Variants in DPP10 observed in about 807,000 individuals in gnomAD.
The protein encoded by DPP10 is dipeptidyl peptidase like 10.
Under a neutral mutation model 120.9 loss-of-function variants are expected in DPP10, and 33 were observed. That is an observed-to-expected ratio of 0.27 (90% CI 0.21 to 0.37). The LOEUF (loss-of-function observed/expected upper bound fraction) is 0.37. Ranked by LOEUF, DPP10 falls within the 10% of genes least tolerant of loss-of-function variation. The pLI is 1.00. For synonymous variants in DPP10, 337 were observed against 326.1 expected, an observed-to-expected ratio of 1.03 and a Z score of -0.36; for missense variants, 816 against 942.8, an observed-to-expected ratio of 0.87 and a Z score of 1.76.
chr2:114,909,893 C>G (rs771762350), intron 1 of DPP10, among the ~76,000 whole-genome samples: 3 of 151,668 alleles, frequency 2.0e-5, no homozygotes, highest in Non-Finnish European at 4.4e-5. Flanking sequence ...AAAAATAAGC[C>G]GCTATAAGCA....
Position 115,455,222 on chromosome 2 carries a change from G to A in DPP10, c.272-44288G>A, listed in dbSNP as rs1279239863. The stretch of plus-strand genomic sequence containing the variant: ...TGTAAGTCTCCATACTGTGAAGATG[G>A]CAATTCTCCCAAAATTGATCTATAC... On this transcript the variant is annotated intron_variant, in intron 3 of 25. Transcript: ENST00000410059. 2.0e-5 allele frequency among the ~76,000 whole-genome samples: 3 copies of A among 151,926 alleles called. No individual in the cohort carries two copies. The East Asian group carries it at 5.8e-4, about 29-fold the overall frequency.
chr2:114,562,277 C>A (rs185309006), intron 1 of DPP10, among the ~76,000 whole-genome samples: 1 of 152,318 alleles, frequency 6.6e-6, no homozygotes, highest in African/African-American at 2.4e-5. Context: ...AGAACACTTA[C>A]CATCATTTGA....
intron 1 of DPP10, among the ~76,000 whole-genome samples, chr2:114,926,975 C>A (rs1176250107): frequency 6.6e-6 from 1 of 151,574 alleles, no homozygotes; most frequent in Non-Finnish European, 1.5e-5. Context: ...CTCAGCCTCC[C>A]GAGTAGCTGG....
rs1202206384 is a variant in DPP10 at position 114,993,150 on chromosome 2, TAACAAG to T, written c.61-316083_61-316078del. Among the ~76,000 whole-genome samples the T allele has an allele frequency of 2.6e-5, 4 of 152,160 alleles. 1 individual carries two copies. The highest frequency in any genetic ancestry group is 9.7e-5 in the African/African-American group (4 of 41,428). ...TCACTCTTTGAAATCTCAGAGTCAA[TAACAAG>T]AACAACTACAAAAATGATCACTCAC... On this transcript the variant is annotated intron_variant, in intron 1 of 25. Transcript: ENST00000410059.
intron 1 of DPP10, among the ~76,000 whole-genome samples, chr2:115,006,339 A>G: frequency 6.6e-6 from 1 of 152,068 alleles, no homozygotes; most frequent in African/African-American, 2.4e-5. Flanking sequence ...CTAGCATCAT[A>G]ACAACAGGAT....
chr2:115,245,133 T>A (rs1389793573), intron 1 of DPP10, among the ~76,000 whole-genome samples: 1 of 152,124 alleles, frequency 6.6e-6, no homozygotes, highest in Non-Finnish European at 1.5e-5. Context: ...CTTAAAATAA[T>A]GATCTCCAAC....
rs572754567 is a variant in DPP10, at chr2:114,581,384, C to T, written c.60+138546C>T. On this transcript the variant is annotated intron_variant, in intron 1 of 25. Transcript: ENST00000410059. The stretch of plus-strand genomic sequence containing the variant: ...ATTTTTAGTAGAGATGGAGTGTCAC[C>T]GTGTTAGCCAGGATGGTCTCGACCT... Among the ~76,000 whole-genome samples, 245 of 151,968 alleles carry T rather than the reference C, an allele frequency of 1.6e-3. 1 individual carries two copies. The highest frequency in any genetic ancestry group is 3.1e-3 in the Non-Finnish European group (211 of 67,974).
At chr2:115,536,345 T>C (rs2078836934) in intron 5 of DPP10, among the ~76,000 whole-genome samples, 1 of 151,978 alleles carries the variant, frequency 6.6e-6, no homozygotes, top group Non-Finnish European at 1.5e-5. Context: ...AAACATTATT[T>C]TAATGGCTTT....
At chr2:114,550,440 G>A (rs569921671) in intron 1 of DPP10, among the ~76,000 whole-genome samples, 3 of 152,336 alleles carry the variant, frequency 2.0e-5, no homozygotes. Context: ...GAGGTTCAGT[G>A]ATTTTCCAAA....
intron 1 of DPP10, among the ~76,000 whole-genome samples, chr2:114,883,948 T>A (rs1181894680): frequency 6.6e-6 from 1 of 152,258 alleles, no homozygotes; most frequent in Non-Finnish European, 1.5e-5. Context: ...AACTTCTGTG[T>A]ACAGAATGGT....
intron 3 of DPP10, among the ~76,000 whole-genome samples, chr2:115,363,664 A>G (rs2064917350): frequency 6.6e-6 from 1 of 152,218 alleles, no homozygotes; most frequent in South Asian, 2.1e-4. Flanking sequence ...TGAGCATCAC[A>G]GGCCTATGCT....
At chr2:115,180,393 G>C (rs576784111) in intron 1 of DPP10, among the ~76,000 whole-genome samples, 3 of 151,934 alleles carry the variant, frequency 2.0e-5, no homozygotes, top group Non-Finnish European at 4.4e-5. Context: ...TTACATATTC[G>C]TACCTAAAAT....
chr2:114,734,118 T>C (rs1677193129), intron 1 of DPP10, among the ~76,000 whole-genome samples: 2 of 152,130 alleles, frequency 1.3e-5, no homozygotes, highest in South Asian at 2.1e-4. Context: ...AATATTTAAC[T>C]CCAAAATAGA....
chr2:115,610,489 G>C (rs1354200575), intron 5 of DPP10, among the ~76,000 whole-genome samples: 1 of 71,494 alleles, frequency 1.4e-5, no homozygotes, highest in Non-Finnish European at 2.7e-5. Flanking sequence ...CAAGCAGTAT[G>C]AGTGTGTGTG....
intron 1 of DPP10, among the ~76,000 whole-genome samples, chr2:114,906,107 G>A (rs890209266): frequency 2.0e-5 from 3 of 151,914 alleles, no homozygotes; most frequent in Non-Finnish European, 2.9e-5. Context: ...GGCCGGGCAC[G>A]GGGGCTCACA....
intron 3 of DPP10, among the ~76,000 whole-genome samples, chr2:115,415,790 A>G: frequency 6.8e-6 from 1 of 147,272 alleles, no homozygotes; most frequent in South Asian, 2.1e-4. Context: ...ATATCAGTGG[A>G]AAAATAAATC....
chr2:115,069,733 G>A (rs774296501), intron 1 of DPP10, among the ~76,000 whole-genome samples: 15 of 151,550 alleles, frequency 9.9e-5, no homozygotes, highest in East Asian at 1.9e-4. Flanking sequence ...TCCTCGAATC[G>A]CGTGCTGATG....
chr2:115,827,291 A>C (rs184434715), intron 21 of DPP10, among the ~76,000 whole-genome samples: 194 of 137,146 alleles, frequency 1.4e-3, no homozygotes, highest in Middle Eastern at 3.8e-3. Context: ...ACATACATAT[A>C]TACACATACA....
intron 1 of DPP10, among the ~76,000 whole-genome samples, chr2:114,856,661 T>C (rs147214395): frequency 0.011 from 1,655 of 152,278 alleles, 19 homozygotes; most frequent in Middle Eastern, 0.02. Flanking sequence ...TCCACATTTG[T>C]AGAAATTTCA....
Sources: allele counts gnomAD v4.1 joint callset (sites outside exome capture counted in the v4.1 genomes callset), GRCh38; gene constraint gnomAD v4.1.1; transcripts MANE v1.5; gene names NCBI Gene and HGNC (gene_info 2026-07-23, HGNC 2026-07-21).